PTPRG: variants seen among roughly 807,000 people sequenced by gnomAD.
PTPRG encodes the protein receptor-type tyrosine-protein phosphatase gamma.
In PTPRG, 102 loss-of-function variants were observed where a neutral mutation model predicts 165.3. That is an observed-to-expected ratio of 0.62 (90% confidence interval 0.53 to 0.73). PTPRG has a LOEUF of 0.73. PTPRG is among the 30% of genes least tolerant of loss of function. The pLI, the probability that PTPRG is intolerant of heterozygous loss-of-function variation, is 0.00. For synonymous variants in PTPRG, 675 were observed against 669.5 expected (o/e 1.01, Z -0.13); for missense variants, 1,866 against 1,861.4 (o/e 1.00, Z -0.05).
chr3:61,716,254 T>G (rs1476866200), intron 1 of PTPRG, among the ~76,000 whole-genome samples: 1 of 152,214 alleles, frequency 6.6e-6, no homozygotes, highest in Non-Finnish European at 1.5e-5. Flanking sequence ...GAAGTGCTAT[T>G]TTGTGGTAAT....
At chr3:62,087,509 T>C (rs1259589645) in intron 5 of PTPRG, among the ~76,000 whole-genome samples, 1 of 152,248 alleles carries the variant, frequency 6.6e-6, no homozygotes, top group African/African-American at 2.4e-5. Flanking sequence ...AAAATGCTAA[T>C]GACAACTACT....
At chr3:61,769,781 G>T (rs2034150032) in intron 2 of PTPRG, 1 of 152,126 alleles carries the variant, frequency 6.6e-6, no homozygotes, top group African/African-American at 2.4e-5. Context: ...AAAATATGGT[G>T]AATATGGTGA....
chr3:61,576,894 C>CT (rs1268950531), intron 1 of PTPRG, among the ~76,000 whole-genome samples: 1 of 152,158 alleles, frequency 6.6e-6, no homozygotes, highest in African/African-American at 2.4e-5. Context: ...AATTCACTTG[C>CT]TTATTTTTCC....
At chr3:61,744,913 G>C (rs1429920400) in intron 1 of PTPRG, among the ~76,000 whole-genome samples, 1 of 151,882 alleles carries the variant, frequency 6.6e-6, no homozygotes, top group Non-Finnish European at 1.5e-5. Flanking sequence ...TGAGGTTCTG[G>C]GTGGTGGTTT....
Position 62,053,240 on chromosome 3 carries a change from C to T in PTPRG, c.520-24923C>T, listed in dbSNP as rs1205077895. On this transcript the variant is annotated intron_variant, in intron 4 of 29. Coordinates refer to ENST00000474889, the MANE Select transcript of PTPRG (RefSeq NM_002841.4). Reference sequence around the variant, plus strand: ...AAATCAGTAATTTGTTAGTGATTATCTGTATTTTGAACTTCACTGCCTTGG... The same window carrying T: ...AAATCAGTAATTTGTTAGTGATTATTTGTATTTTGAACTTCACTGCCTTGG... Among the ~76,000 whole-genome samples the T allele has an allele frequency of 2.8e-5, 4 of 145,172 alleles. No individual in the cohort carries two copies. In the East Asian group the frequency reaches 7.9e-4, roughly 29 times the overall value.
At chr3:61,609,979 A>G (rs1366378694) in intron 1 of PTPRG, among the ~76,000 whole-genome samples, 1 of 150,880 alleles carries the variant, frequency 6.6e-6, no homozygotes, top group Non-Finnish European at 1.5e-5. Flanking sequence ...ATAACTTTTG[A>G]TTATATACAA....
intron 4 of PTPRG, among the ~76,000 whole-genome samples, chr3:62,054,999 A>G (rs1289937360): frequency 6.6e-6 from 1 of 152,238 alleles, no homozygotes; most frequent in Non-Finnish European, 1.5e-5. Flanking sequence ...TGTAGCAGGT[A>G]GCACTTAATT....
chr3:61,739,691 A>T (rs940642688), intron 1 of PTPRG, among the ~76,000 whole-genome samples: 4 of 152,232 alleles, frequency 2.6e-5, no homozygotes, highest in Admixed American at 6.5e-5. Flanking sequence ...AATTTTAATG[A>T]TGCTTTCCTC....
At chr3:62,283,035 G>A (rs560867613) in intron 28 of PTPRG, among the ~76,000 whole-genome samples, 166 bp downstream of exon 28, 1 of 152,082 alleles carries the variant, frequency 6.6e-6, no homozygotes, top group South Asian at 2.1e-4. Flanking sequence ...TTGTTGCTCT[G>A]TTTACATTTT....
chr3:61,632,609 G>A (rs1701800005), intron 1 of PTPRG, among the ~76,000 whole-genome samples: 1 of 152,194 alleles, frequency 6.6e-6, no homozygotes, highest in Non-Finnish European at 1.5e-5. Flanking sequence ...GAGCTTTCAA[G>A]TACATCATCT....
At chr3:61,991,777 G>C (rs554726770) in intron 3 of PTPRG, among the ~76,000 whole-genome samples, 1 of 152,156 alleles carries the variant, frequency 6.6e-6, no homozygotes, top group South Asian at 2.1e-4. Context: ...TCTCTGATAC[G>C]GTTTTCTACT....
At chr3:61,702,552 A>T (rs781019280) in intron 1 of PTPRG, among the ~76,000 whole-genome samples, 1 of 152,220 alleles carries the variant, frequency 6.6e-6, no homozygotes, top group Non-Finnish European at 1.5e-5. Flanking sequence ...GGCACAGTAA[A>T]TTGTACAAAT....
At chr3:62,189,122 C>T (rs1266438549) in intron 8 of PTPRG, among the ~76,000 whole-genome samples, 2 of 152,142 alleles carry the variant, frequency 1.3e-5, no homozygotes, top group African/African-American at 4.8e-5. Context: ...GGCATTTGCG[C>T]AGCGGACAGC....
intron 1 of PTPRG, among the ~76,000 whole-genome samples, chr3:61,731,472 C>T (rs1411855298): frequency 6.6e-6 from 1 of 151,890 alleles, no homozygotes; most frequent in Non-Finnish European, 1.5e-5. Context: ...CCTCAGCCTC[C>T]CGAGTAGCTG....
chr3:61,769,822 T>C (rs1452012030), intron 2 of PTPRG: 1 of 152,204 alleles, frequency 6.6e-6, no homozygotes, highest in Non-Finnish European at 1.5e-5. Flanking sequence ...TTTGTTTTTT[T>C]CTGACTGTAA....
chr3:61,665,265 G>A (rs1338410806), intron 1 of PTPRG, among the ~76,000 whole-genome samples: 4 of 152,058 alleles, frequency 2.6e-5, no homozygotes, highest in Admixed American at 2.0e-4. Flanking sequence ...TGCAGTACTC[G>A]CCTATCAGTA....
intron 12 of PTPRG, among the ~76,000 whole-genome samples, chr3:62,211,226 G>A (rs1309231217): frequency 6.6e-6 from 1 of 152,186 alleles, no homozygotes; most frequent in African/African-American, 2.4e-5. Context: ...GAACCCTGAG[G>A]ACATTATGCT....
chr3:61,613,708 AAAAACC>A (rs1701234960), intron 1 of PTPRG, among the ~76,000 whole-genome samples: 1 of 152,014 alleles, frequency 6.6e-6, no homozygotes, highest in Admixed American at 6.6e-5. Flanking sequence ...GTGTAGTCTC[AAAAACC>A]ATGATCCATT....
intron 8 of PTPRG, among the ~76,000 whole-genome samples, chr3:62,168,972 TG>T (rs1389842041): frequency 6.6e-6 from 1 of 152,086 alleles, no homozygotes; most frequent in Non-Finnish European, 1.5e-5. Context: ...GGCCATTCGG[TG>T]GGCAGTCTCC....
Sources: gnomAD v4.1 joint callset for allele counts (sites outside exome capture counted in the v4.1 genomes callset) on GRCh38, gnomAD v4.1.1 for gene constraint, MANE v1.5 for transcripts, NCBI Gene and HGNC (gene_info 2026-07-23, HGNC 2026-07-21) for gene names.